Variants in PARP8 observed in about 807,000 individuals in gnomAD.
The protein encoded by PARP8 is protein mono-ADP-ribosyltransferase PARP8.
In PARP8, 51 loss-of-function variants were observed where a neutral mutation model predicts 124.1. The ratio of observed to expected loss-of-function variants is 0.41; its 90% CI spans 0.33 to 0.52. The LOEUF (loss-of-function observed/expected upper bound fraction) is 0.52, where lower values mean the gene tolerates loss of function less well. PARP8 is among the 20% of genes least tolerant of loss of function. PARP8 has a pLI of 0.21. For synonymous variants in PARP8, 391 were observed against 361.5 expected (o/e 1.08, Z -0.93); for missense variants, 860 against 1,018.9 (o/e 0.84, Z 2.12).
chr5:50,704,420 G>C (rs1246724570), intron 2 of PARP8, among the ~76,000 whole-genome samples: 5 of 152,100 alleles, frequency 3.3e-5, no homozygotes, highest in Admixed American at 6.6e-5. Flanking sequence ...AAGTGAGCAC[G>C]TGCTCACTTA....
At chr5:50,802,268 C>T (rs1384540340) in intron 14 of PARP8, among the ~76,000 whole-genome samples, 1 of 152,116 alleles carries the variant, frequency 6.6e-6, no homozygotes, top group Non-Finnish European at 1.5e-5. Flanking sequence ...CTAGGGATTA[C>T]AATTAACATT....
intron 15 of PARP8, among the ~76,000 whole-genome samples, chr5:50,816,498 G>A (rs1181683686): frequency 6.6e-6 from 1 of 152,164 alleles, no homozygotes; most frequent in Non-Finnish European, 1.5e-5. Flanking sequence ...GTAGCCTAGA[G>A]CTTAGGAATG....
At chr5:50,755,651 C>T (rs1335879975) in intron 3 of PARP8, among the ~76,000 whole-genome samples, 1 of 152,168 alleles carries the variant, frequency 6.6e-6, no homozygotes, top group African/African-American at 2.4e-5. Context: ...TTCGGATTGA[C>T]TTGGCAATGC....
At chr5:50,668,234 T>C in intron 2 of PARP8, 109 bp downstream of exon 2, 4 of 1,059,554 alleles carry the variant, frequency 3.8e-6, no homozygotes, top group Non-Finnish European at 5.8e-6. Flanking sequence ...GTTTGATTAT[T>C]GTGGCTTTTC....
chr5:50,754,146 T>TACATATACATATAC (rs1164314465), intron 3 of PARP8, among the ~76,000 whole-genome samples: 1 of 21,424 alleles, frequency 4.7e-5, no homozygotes, highest in African/African-American at 1.3e-4. Flanking sequence ...TATATATATA[T>TACATATACATATAC]ATATACACAC....
At chr5:50,737,388 T>G (rs1757573761) in intron 2 of PARP8, among the ~76,000 whole-genome samples, 1 of 152,052 alleles carries the variant, frequency 6.6e-6, no homozygotes, top group Admixed American at 6.6e-5. Context: ...CCTGTGAAAA[T>G]AACTATATTT....
chr5:50,794,674 G>A (rs1181463116), intron 11 of PARP8, among the ~76,000 whole-genome samples, 179 bp from the exon 12 acceptor site: 2 of 152,110 alleles, frequency 1.3e-5, no homozygotes, highest in Non-Finnish European at 2.9e-5. Flanking sequence ...GGAAAAATGG[G>A]ATTCAAGTCC....
chr5:50,797,141 A>G lies in PARP8; in HGVS notation c.1483A>G (p.Ile495Val), dbSNP rs149706373. The change falls in exon 14 of 26, where the codon ATT (isoleucine) becomes GTT (valine). Residue 495 changes from isoleucine (I) to valine (V), a missense_variant. This residue lies in a region of PARP8 where 343 missense variants were observed against 474.7 expected (regional missense o/e 0.72). Coordinates refer to ENST00000281631, the MANE Select transcript of PARP8 (RefSeq NM_024615.4). ...TTTTCCTTACTGTTTTATTCAGACA[A>G]TTGAGTTTGCTGAACAGCGGATCCC... ...VRDRGFLVQTIEFAEQRIPVL... is the reference protein window; with the variant it reads ...VRDRGFLVQTVEFAEQRIPVL... 9 of 1,613,006 alleles carry G rather than the reference A, an allele frequency of 5.6e-6. No homozygotes were observed. The African/African-American group carries it at 9.3e-5, about 17-fold the overall frequency.
intron 22 of PARP8, among the ~76,000 whole-genome samples, chr5:50,832,524 G>GAATTTTTAAATTATATT (rs1360468463): frequency 8.6e-4 from 131 of 152,236 alleles, no homozygotes; most frequent in Non-Finnish European, 1.1e-3. Flanking sequence ...CAAGTTTTAA[G>GAATTTTTAAATTATATT]AATTTTTAAA....
intron 2 of PARP8, among the ~76,000 whole-genome samples, chr5:50,683,764 C>T (rs1397466700): frequency 1.3e-5 from 2 of 151,952 alleles, no homozygotes; most frequent in Admixed American, 1.3e-4. Context: ...TAATAGCAAA[C>T]AGAAATAAAC....
chr5:50,696,958 CAGCT>C (rs1381095246), intron 2 of PARP8, among the ~76,000 whole-genome samples: 4 of 152,106 alleles, frequency 2.6e-5, no homozygotes, highest in African/African-American at 9.7e-5. Context: ...AGCTGCCACT[CAGCT>C]AGGACATTAA....
intron 10 of PARP8, among the ~76,000 whole-genome samples, chr5:50,788,812 C>T (rs1741608487): frequency 6.6e-6 from 1 of 152,194 alleles, no homozygotes; most frequent in Non-Finnish European, 1.5e-5. Context: ...CCAAGATCCA[C>T]TCTCTTTCCT....
chr5:50,703,768 A>T (rs78328655), intron 2 of PARP8, among the ~76,000 whole-genome samples: 1 of 152,086 alleles, frequency 6.6e-6, no homozygotes, highest in East Asian at 1.9e-4. Context: ...AAAGTTAGCC[A>T]GGTGTGGTGT....
At position 50,668,126 on chromosome 5, in the gene PARP8, G is replaced by C; in HGVS notation, c.146+1G>C. The C allele has an allele frequency of 6.3e-7, 1 of 1,599,232 alleles. No individual in the cohort carries two copies. The highest frequency in any genetic ancestry group is 8.6e-7 in the Non-Finnish European group (1 of 1,168,704). Reference sequence around the variant, plus strand: ...TTACCTACGTTGGCGGCCCCAGAAGGTATTTATGTGTATAGAGTTGCTTCA... The same window carrying C: ...TTACCTACGTTGGCGGCCCCAGAAGCTATTTATGTGTATAGAGTTGCTTCA... On this transcript the variant is annotated splice_donor_variant, in intron 2 of 25. Transcript: ENST00000281631. LOFTEE classifies it high-confidence loss of function.
intron 15 of PARP8, among the ~76,000 whole-genome samples, chr5:50,819,951 C>CTA (rs1404991460): frequency 2.0e-5 from 3 of 152,048 alleles, no homozygotes; most frequent in Non-Finnish European, 2.9e-5. Context: ...TTGCATATAT[C>CTA]TATATATATG....
intron 15 of PARP8, among the ~76,000 whole-genome samples, chr5:50,819,427 CTTTTTTTTTTT>C (rs34347134): frequency 3.4e-3 from 158 of 46,656 alleles, no homozygotes; most frequent in African/African-American, 0.014. Context: ...ATTTTATCTT[CTTTTTTTTTTT>C]TTTTTTTTTT....
In PARP8 at chr5:50,822,620, C is replaced by T. The variant is rs73102889; in HGVS notation, c.1860+220C>T. On this transcript the variant is annotated intron_variant, in intron 17 of 25. Transcript: ENST00000281631. ...ATAATTATACTCCTAATACTCTGCC[C>T]TCAAACTCGGGCAAGAGCTTGGGTA... is the stretch of plus-strand genomic sequence containing the variant. 9.1e-4 allele frequency among the ~76,000 whole-genome samples: 139 copies of T among 152,210 alleles called. 1 individual carries two copies. Among genetic ancestry groups the T allele is most frequent in the African/African-American group, 3.2e-3 (134 of 41,510 alleles).
At chr5:50,803,754 G>A (rs552157368) in intron 14 of PARP8, among the ~76,000 whole-genome samples, 1 of 152,112 alleles carries the variant, frequency 6.6e-6, no homozygotes. Context: ...AGTATAGCCA[G>A]TTTAAAGTTT....
chr5:50,753,611 AT>A (rs1303624478), intron 3 of PARP8, among the ~76,000 whole-genome samples: 1 of 152,088 alleles, frequency 6.6e-6, no homozygotes, highest in East Asian at 1.9e-4. Context: ...TAGTTAGTTA[AT>A]TAATAGTATT....
Sources: allele counts gnomAD v4.1 joint callset (sites outside exome capture counted in the v4.1 genomes callset), GRCh38; gene constraint gnomAD v4.1.1; regional missense constraint gnomAD v4.1.1; transcripts MANE v1.5; gene names NCBI Gene and HGNC (gene_info 2026-07-23, HGNC 2026-07-21).